STRIP2: variants seen among roughly 807,000 people sequenced by gnomAD.
The protein encoded by STRIP2 is striatin interacting protein 2.
Under a neutral mutation model 107.1 loss-of-function variants are expected in STRIP2, and 84 were observed. That is an observed-to-expected ratio of 0.78 (90% CI 0.66 to 0.94). The LOEUF (loss-of-function observed/expected upper bound fraction) is 0.94, where lower values mean the gene tolerates loss of function less well. Among genes scored for constraint, STRIP2 ranks in the 40% least tolerant of loss-of-function variants. The pLI, the probability that STRIP2 is intolerant of heterozygous loss-of-function variation, is 0.00. For synonymous variants in STRIP2, 394 were observed against 400.4 expected, an observed-to-expected ratio of 0.98 and a Z score of 0.19; for missense variants, 888 against 1,034.2, an observed-to-expected ratio of 0.86 and a Z score of 1.94.
In STRIP2 at chr7:129,464,656, G is replaced by A; in HGVS notation, c.1694G>A (p.Arg565Lys). Reference sequence around the variant, plus strand: ...ATGAAGCTGGGCATCGATGTGAACAGGCACAAGGAGATTATTGTAAAGAGT... The same window carrying A: ...ATGAAGCTGGGCATCGATGTGAACAAGCACAAGGAGATTATTGTAAAGAGT... ...QSMKLGIDVN[R>K]HKEIIVKSIS... Residue 565 changes from arginine (R) to lysine (K), a missense_variant, in exon 16 of 21, where the codon AGG becomes AAG. Transcript: ENST00000249344. 1 of 1,614,054 alleles carries A rather than the reference G, an allele frequency of 6.2e-7. No individual in the cohort carries two copies. The highest frequency in any genetic ancestry group is 8.5e-7 in the Non-Finnish European group (1 of 1,179,992).
intron 9 of STRIP2, among the ~76,000 whole-genome samples, chr7:129,456,844 G>T (rs1369662583): frequency 6.6e-6 from 1 of 152,092 alleles, no homozygotes; most frequent in African/African-American, 2.4e-5. Context: ...CTGTTGTGAT[G>T]TGACACTGTG....
intron 1 of STRIP2, among the ~76,000 whole-genome samples, chr7:129,437,225 C>CT (rs11376169): frequency 0.88 from 134,104 of 152,096 alleles, 59,370 homozygotes; most frequent in East Asian, 0.96. Flanking sequence ...GTAGCTTCAG[C>CT]CAGGAATTCG....
At position 129,458,095 on chromosome 7, in the gene STRIP2, G is replaced by C; in HGVS notation, c.1039-120G>C. Reference sequence around the variant, plus strand: ...GGTGGGGAATTGGATGTTTTCGCAAGGGCTGTGTTCAGATTCCATGTTCCC... The same window carrying C: ...GGTGGGGAATTGGATGTTTTCGCAACGGCTGTGTTCAGATTCCATGTTCCC... On this transcript the variant is annotated intron_variant, in intron 9 of 20. Transcript: ENST00000249344. The surrounding 1 kb of genome is among the most constrained non-coding windows in gnomAD (Gnocchi z 4.6). 1 of 798,374 alleles carries C rather than the reference G, an allele frequency of 1.3e-6. No homozygotes were observed. Among genetic ancestry groups the C allele is most frequent in the Non-Finnish European group, 2.2e-6 (1 of 461,176 alleles). The allele number at this position is 798,374 out of a possible 1,614,324, so 49.5% of individuals were successfully genotyped here. A position where few individuals can be genotyped will look rare whatever the true frequency, so the allele number is the denominator to read the frequency against.
At chr7:129,464,487 C>G in intron 15 of STRIP2, 125 bp from the exon 16 acceptor site, 1 of 1,050,024 alleles carries the variant, frequency 9.5e-7, no homozygotes, top group Non-Finnish European at 1.4e-6. Flanking sequence ...TTCCCTGGCA[C>G]AGAAGTTCAA....
chr7:129,458,048 C>G lies in STRIP2; in HGVS notation c.1039-167C>G. On this transcript the variant is annotated intron_variant, in intron 9 of 20. Coordinates refer to ENST00000249344, the MANE Select transcript of STRIP2 (RefSeq NM_020704.3). The surrounding 1 kb of genome is among the most constrained non-coding windows in gnomAD (Gnocchi z 4.6). ...GAGAACTTCTTGTCCTGTTATTGGG[C>G]CGGGTGGGGACAGTAGGTTAAGGTG... The G allele has an allele frequency of 1.5e-6, 1 of 675,900 alleles. No individual in the cohort carries two copies. Among genetic ancestry groups the G allele is most frequent in the Non-Finnish European group, 2.7e-6 (1 of 369,674 alleles). 41.9% of individuals were successfully genotyped at this position (675,900 alleles called of 1,614,324 possible).
chr7:129,445,820 C>T (rs982288320), intron 3 of STRIP2, among the ~76,000 whole-genome samples: 4 of 152,122 alleles, frequency 2.6e-5, no homozygotes, highest in Admixed American at 6.5e-5. Context: ...AATACCATGA[C>T]GGTGGATGAG....
intron 18 of STRIP2, among the ~76,000 whole-genome samples, chr7:129,472,776 C>A (rs2551362): frequency 1.3e-5 from 1 of 78,278 alleles, no homozygotes; most frequent in East Asian, 3.5e-4. Context: ...TTTTCTTTTC[C>A]TTTTTTTTTT....
At chr7:129,479,144 C>A (rs1212651492) in intron 18 of STRIP2, among the ~76,000 whole-genome samples, 2 of 151,822 alleles carry the variant, frequency 1.3e-5, no homozygotes, top group African/African-American at 4.8e-5. Flanking sequence ...CGTGGCGGTG[C>A]ATTCCTATAA....
chr7:129,483,254 TC>T lies in STRIP2; in HGVS notation c.2254+210del. 7.9e-7 allele frequency: 1 copy of T among 1,259,194 alleles called. No individual in the cohort carries two copies. Among genetic ancestry groups the T allele is most frequent in the Non-Finnish European group, 1.0e-6 (1 of 1,002,074 alleles). 78.0% of individuals were successfully genotyped at this position (1,259,194 alleles called of 1,614,324 possible). A position where few individuals can be genotyped will look rare whatever the true frequency, so the allele number is the denominator to read the frequency against. ...CCTTGTCCTATGTAAACTATGAAAA[TC>T]CGTTTTATAAAACAAGTAAATTGAG... On this transcript the variant is annotated intron_variant, in intron 20 of 20. Transcript: ENST00000249344. The surrounding 1 kb of genome is among the most constrained non-coding windows in gnomAD (Gnocchi z 5.1).
chr7:129,460,324 T>C lies in STRIP2; in HGVS notation c.1428T>C (p.Asp476=). Residue 476 remains aspartate (D), a synonymous_variant, in exon 13 of 21, where the codon GAT becomes GAC. Coordinates refer to ENST00000249344, the MANE Select transcript of STRIP2 (RefSeq NM_020704.3). ...AGCACAAGTATATCTCCATCGCAGATGTGCAGATCAAGAATGAAGAGGAGC... is the reference window on the plus strand; with the variant it reads ...AGCACAAGTATATCTCCATCGCAGACGTGCAGATCAAGAATGAAGAGGAGC... ...LKQHKYISIA[D]VQIKNEEELE... 6.2e-7 allele frequency: 1 copy of C among 1,614,062 alleles called. No individual in the cohort carries two copies. The highest frequency in any genetic ancestry group is 8.5e-7 in the Non-Finnish European group (1 of 1,179,968).
In STRIP2 at chr7:129,451,871, C is replaced by A. The variant is rs578121479; in HGVS notation, c.409+124C>A. ...GGTTTCTTGCCTCTCAAGGACAGAT[C>A]TTGTCATGTGCTAGGAGTAACCTGT... is the stretch of plus-strand genomic sequence containing the variant. On this transcript the variant is annotated intron_variant, in intron 4 of 20. Transcript: ENST00000249344. The A allele has an allele frequency of 6.9e-6, 8 of 1,167,688 alleles. No individual in the cohort carries two copies. The South Asian group carries it at 1.2e-4, about 17-fold the overall frequency. 72.3% of individuals were successfully genotyped at this position (1,167,688 alleles called of 1,614,324 possible). A position where few individuals can be genotyped will look rare whatever the true frequency, so the allele number is the denominator to read the frequency against.
intron 13 of STRIP2, 55 bp downstream of exon 13, chr7:129,460,427 GT>G (rs755058242): frequency 1.4e-6 from 2 of 1,464,014 alleles, no homozygotes; most frequent in Non-Finnish European, 1.9e-6. Flanking sequence ...TGTCTTCAGT[GT>G]TGTCACAGAG....
intron 18 of STRIP2, chr7:129,477,907 A>G (rs1799013284): frequency 1.9e-6 from 1 of 516,382 alleles, no homozygotes; most frequent in Non-Finnish European, 3.9e-6. Context: ...AGTTGAAAAA[A>G]TTTATAGACA....
chr7:129,469,465 T>C (rs2151010989), intron 17 of STRIP2, among the ~76,000 whole-genome samples: 1 of 152,344 alleles, frequency 6.6e-6, no homozygotes, highest in African/African-American at 2.4e-5. Context: ...CCCACCCCCA[T>C]TTCCTGGTCG....
At chr7:129,478,151 G>C in intron 18 of STRIP2, 1 of 250,328 alleles carries the variant, frequency 4.0e-6, no homozygotes, top group South Asian at 4.3e-5. Context: ...TCTCCAAAGA[G>C]CCTGTTTTAC....
intron 14 of STRIP2, among the ~76,000 whole-genome samples, chr7:129,463,747 G>A (rs771716769): frequency 5.3e-5 from 8 of 152,102 alleles, no homozygotes; most frequent in Non-Finnish European, 1.0e-4. Context: ...TGCCTGTCTC[G>A]GCCTCCAAAA....
At chr7:129,475,487 G>C (rs1431253690) in intron 18 of STRIP2, among the ~76,000 whole-genome samples, 1 of 149,530 alleles carries the variant, frequency 6.7e-6, no homozygotes, top group Non-Finnish European at 1.5e-5. Flanking sequence ...AGGACCCTGG[G>C]GCCTTCCGCA....
At position 129,455,330 on chromosome 7, in the gene STRIP2, C is replaced by T. The variant is rs1267095293; in HGVS notation, c.793C>T (p.Pro265Ser). 6.2e-7 allele frequency: 1 copy of T among 1,613,892 alleles called. No homozygotes were observed. The highest frequency in any genetic ancestry group is 2.2e-5 in the East Asian group (1 of 44,858). Residue 265 changes from proline to serine, a missense_variant, in exon 8 of 21, where the codon CCC becomes TCC. Transcript: ENST00000249344. ...KFCSGLAPHF[P>S]IKKVLLLLWK... is the part of the protein sequence containing the mutation. ...CTGCAGTGGCCTGGCTCCTCACTTC[C>T]CCATAAAGAAGGTCCTGCTCCTGCT... is the stretch of plus-strand genomic sequence containing the variant.
intron 11 of STRIP2, 66 bp from the exon 12 acceptor site, chr7:129,459,451 G>A (rs542880900): frequency 2.2e-6 from 3 of 1,345,894 alleles, no homozygotes; most frequent in African/African-American, 1.4e-5. Flanking sequence ...CTCTAGGGGG[G>A]TATTGGGGTA....
Sources: gnomAD v4.1 joint callset for allele counts (sites outside exome capture counted in the v4.1 genomes callset) on GRCh38, gnomAD v4.1.1 for gene constraint, Gnocchi (gnomAD v3.1) non-coding constraint, MANE v1.5 for transcripts, NCBI Gene and HGNC (gene_info 2026-07-23, HGNC 2026-07-21) for gene names.